SHISA3: variants seen among roughly 807,000 people sequenced by gnomAD.
The protein encoded by SHISA3 is protein shisa-3 homolog.
A neutral mutation model predicts 19.2 loss-of-function variants in SHISA3; 15 were observed. The observed-to-expected ratio is 0.78, with a 90% CI of 0.52 to 1.20. SHISA3 has a LOEUF of 1.20. SHISA3 is among the 50% of genes most tolerant of loss of function. The probability of loss-of-function intolerance (pLI) is 0.00; values close to 1 mark genes in which losing one functional copy is unlikely to be tolerated. For missense variants in SHISA3, 327 were observed against 315.7 expected (o/e 1.04, Z -0.27); for synonymous variants, 145 against 135.2 (o/e 1.07, Z -0.50).
chr4:42,398,341 C>T lies in SHISA3; in HGVS notation c.277+8C>T, dbSNP rs780772335. The T allele has an allele frequency of 1.3e-6, 2 of 1,530,276 alleles. No individual in the cohort carries two copies. The highest frequency in any genetic ancestry group is 8.8e-7 in the Non-Finnish European group (1 of 1,140,704). The allele number at this position is 1,530,276 out of a possible 1,614,324, so 94.8% of individuals were successfully genotyped here. A position where few individuals can be genotyped will look rare whatever the true frequency, so the allele number is the denominator to read the frequency against. The stretch of plus-strand genomic sequence containing the variant: ...ACCCAGGCATCACTGCGCGTAAGTG[C>T]GGGGCCCTCGGGGACATATCCCCGC... On this transcript the variant is annotated splice_region_variant and intron_variant, in intron 1 of 1. Transcript: ENST00000319234.
chr4:42,401,094 T>C lies in SHISA3; in HGVS notation c.360T>C (p.Cys120=), dbSNP rs201691660. ...TGGGCTCTGTAGTGGCTATTTATTG[T>C]TGCACCTGTTTGAGACCCAAGGAGC... ...IILGSVVAIY[C]CTCLRPKEPS... Residue 120 remains cysteine (C), a synonymous_variant, in exon 2 of 2, where the codon TGT becomes TGC. Transcript: ENST00000319234. 13 of 1,614,204 alleles carry C rather than the reference T, an allele frequency of 8.1e-6. No homozygotes were observed. The Admixed American group carries it at 1.3e-4, about 17-fold the overall frequency.
rs145001838 is a variant in SHISA3 at position 42,401,316 on chromosome 4, G to A, written c.582G>A (p.Pro194=). ...GCTGCCTGGTGCCCTCACCGCCCCCGCCATACACCACCAGCCACTCAATCC... is the reference window on the plus strand; with the variant it reads ...GCTGCCTGGTGCCCTCACCGCCCCCACCATACACCACCAGCCACTCAATCC... The part of the protein sequence containing the change: ...EPGCLVPSPP[P]PYTTSHSIHL... The change falls in exon 2 of 2, where the codon CCG becomes CCA. Residue 194 remains proline (P), a synonymous_variant. Transcript: ENST00000319234. The A allele has an allele frequency of 6.8e-6, 11 of 1,613,896 alleles. No homozygotes were observed. Among genetic ancestry groups the A allele is most frequent in the African/African-American group, 2.7e-5 (2 of 74,894 alleles).
chr4:42,398,915 G>A (rs1486061955), intron 1 of SHISA3, among the ~76,000 whole-genome samples: 2 of 151,926 alleles, frequency 1.3e-5, no homozygotes, highest in Admixed American at 6.6e-5. Flanking sequence ...TACCCTCTCC[G>A]GCCCACCCCC....
chr4:42,398,703 C>T (rs1460274820), intron 1 of SHISA3, among the ~76,000 whole-genome samples: 1 of 152,096 alleles, frequency 6.6e-6, no homozygotes, highest in Non-Finnish European at 1.5e-5. Context: ...GTGGAGGGGC[C>T]GAGGGTGTCC....
rs545916512 is a variant in SHISA3, at chr4:42,402,440, C to T, written c.*989C>T. 6.6e-6 allele frequency: 1 copy of T among 152,028 alleles called. No individual in the cohort carries two copies. The highest frequency in any genetic ancestry group is 2.1e-4 in the South Asian group (1 of 4,818). The allele number at this position is 152,028 out of a possible 1,614,324, so 9.4% of individuals were successfully genotyped here. The stretch of plus-strand genomic sequence containing the variant: ...GATGACTATATATTTGGGCATATAT[C>T]TTGTTGGATTAGAATAAATAAAACA... On this transcript the variant is annotated 3_prime_UTR_variant, in exon 2 of 2. Transcript: ENST00000319234.
Position 42,397,791 on chromosome 4 carries a change from A to G in SHISA3, c.-266A>G. 1 of 423,148 alleles carries G rather than the reference A, an allele frequency of 2.4e-6. No homozygotes were observed. Among genetic ancestry groups the G allele is most frequent in the Non-Finnish European group, 4.2e-6 (1 of 240,212 alleles). 26.2% of individuals were successfully genotyped at this position (423,148 alleles called of 1,614,324 possible). ...GGCGAAGGGCGGCAGCGACAGCCCC[A>G]GCAACTGCCTCTGCCGGCGCCTCCC... On this transcript the variant is annotated 5_prime_UTR_variant, in exon 1 of 2. Coordinates refer to ENST00000319234, the MANE Select transcript of SHISA3 (RefSeq NM_001080505.3).
intron 1 of SHISA3, among the ~76,000 whole-genome samples, chr4:42,398,806 G>C (rs759977805): frequency 9.4e-5 from 14 of 149,508 alleles, no homozygotes; most frequent in Non-Finnish European, 1.9e-4. Flanking sequence ...GCCCTTCAGG[G>C]CTAAGAAACC....
In SHISA3 at chr4:42,401,542, C is replaced by G; in HGVS notation, c.*91C>G. On this transcript the variant is annotated 3_prime_UTR_variant, in exon 2 of 2. Coordinates refer to ENST00000319234, the MANE Select transcript of SHISA3 (RefSeq NM_001080505.3). ...CACATGCAATTCTGAGAAAATTTCC[C>G]TTGTAACTGATCAGTGTCATGGAGG... The G allele has an allele frequency of 7.2e-7, 1 of 1,383,864 alleles. No individual in the cohort carries two copies. The highest frequency in any genetic ancestry group is 9.8e-7 in the Non-Finnish European group (1 of 1,017,168). The allele number at this position is 1,383,864 out of a possible 1,614,324, so 85.7% of individuals were successfully genotyped here.
chr4:42,401,543 T>G lies in SHISA3; in HGVS notation c.*92T>G, dbSNP rs532087412. The stretch of plus-strand genomic sequence containing the variant: ...ACATGCAATTCTGAGAAAATTTCCC[T>G]TGTAACTGATCAGTGTCATGGAGGA... On this transcript the variant is annotated 3_prime_UTR_variant, in exon 2 of 2. Coordinates refer to ENST00000319234, the MANE Select transcript of SHISA3 (RefSeq NM_001080505.3). 1 of 1,374,538 alleles carries G rather than the reference T, an allele frequency of 7.3e-7. No individual in the cohort carries two copies. The highest frequency in any genetic ancestry group is 1.5e-5 in the African/African-American group (1 of 68,558). 85.1% of individuals were successfully genotyped at this position (1,374,538 alleles called of 1,614,324 possible). A position where few individuals can be genotyped will look rare whatever the true frequency, so the allele number is the denominator to read the frequency against.
chr4:42,398,255 G>A lies in SHISA3; in HGVS notation c.199G>A (p.Ala67Thr). 6.4e-7 allele frequency: 1 copy of A among 1,572,000 alleles called. No individual in the cohort carries two copies. The highest frequency in any genetic ancestry group is 8.6e-7 in the Non-Finnish European group (1 of 1,159,214). Residue 67 changes from alanine (A) to threonine (T), a missense_variant, in exon 1 of 2, where the codon GCC (alanine) becomes ACC (threonine). Physicochemically the swap from Ala to Thr is moderately conservative, Grantham distance 58. Coordinates refer to ENST00000319234, the MANE Select transcript of SHISA3 (RefSeq NM_001080505.3). ...CTCCTGCGCGCTCCGCTACTGTTGC[G>A]CCGCGGCCGACGCCAGGCTGGAGCA... ...CGSCALRYCC[A>T]AADARLEQGG...
chr4:42,398,375 C>G, intron 1 of SHISA3, 42 bp downstream of exon 1: 2 of 1,472,300 alleles, frequency 1.4e-6, no homozygotes, highest in Non-Finnish European at 1.8e-6. Context: ...GCCCGCCTAA[C>G]GGCGGCGGCT....
Position 42,397,892 on chromosome 4 carries a change from C to G in SHISA3, c.-165C>G. 1.6e-6 allele frequency: 1 copy of G among 606,346 alleles called. No homozygotes were observed. Among genetic ancestry groups the G allele is most frequent in the South Asian group, 2.3e-5 (1 of 43,470 alleles). 37.6% of individuals were successfully genotyped at this position (606,346 alleles called of 1,614,324 possible). On this transcript the variant is annotated 5_prime_UTR_variant, in exon 1 of 2. Coordinates refer to ENST00000319234, the MANE Select transcript of SHISA3 (RefSeq NM_001080505.3). ...GAACTCGTAGTGCAGCCCCTGTCGC[C>G]TCCCCGGCCCCTGCTATCCCACGCA...
chr4:42,401,068 C>T lies in SHISA3; in HGVS notation c.334C>T (p.Leu112=). ...VGSIFIAFII[L]GSVVAIYCCT... Reference sequence around the variant, plus strand: ...CTCCATCTTCATTGCGTTCATCATCCTGGGCTCTGTAGTGGCTATTTATTG... The same window carrying T: ...CTCCATCTTCATTGCGTTCATCATCTTGGGCTCTGTAGTGGCTATTTATTG... Residue 112 remains leucine (L), a synonymous_variant, in exon 2 of 2, where the codon CTG becomes TTG. Coordinates refer to ENST00000319234, the MANE Select transcript of SHISA3 (RefSeq NM_001080505.3). 1 of 1,614,204 alleles carries T rather than the reference C, an allele frequency of 6.2e-7. No homozygotes were observed. Among genetic ancestry groups the T allele is most frequent in the Non-Finnish European group, 8.5e-7 (1 of 1,180,046 alleles).
Position 42,401,493 on chromosome 4 carries a change from C to G in SHISA3, c.*42C>G. On this transcript the variant is annotated 3_prime_UTR_variant, in exon 2 of 2. Coordinates refer to ENST00000319234, the MANE Select transcript of SHISA3 (RefSeq NM_001080505.3). ...ATCCACAACTCAGTCAGATGGCAGA[C>G]AGGTGGAGCCCTGCTCCCATTGCCA... is the stretch of plus-strand genomic sequence containing the variant. 2 of 1,528,094 alleles carry G rather than the reference C, an allele frequency of 1.3e-6. No homozygotes were observed. Among genetic ancestry groups the G allele is most frequent in the Non-Finnish European group, 1.8e-6 (2 of 1,138,068 alleles). The allele number at this position is 1,528,094 out of a possible 1,614,324, so 94.7% of individuals were successfully genotyped here. A position where few individuals can be genotyped will look rare whatever the true frequency, so the allele number is the denominator to read the frequency against.
At position 42,397,883 on chromosome 4, in the gene SHISA3, C is replaced by T. The variant is rs1711783591; in HGVS notation, c.-174C>T. On this transcript the variant is annotated 5_prime_UTR_variant, in exon 1 of 2. Coordinates refer to ENST00000319234, the MANE Select transcript of SHISA3 (RefSeq NM_001080505.3). ...CGGCCTGCGGAACTCGTAGTGCAGC[C>T]CCTGTCGCCTCCCCGGCCCCTGCTA... 1.7e-6 allele frequency: 1 copy of T among 580,734 alleles called. No individual in the cohort carries two copies. The highest frequency in any genetic ancestry group is 2.0e-5 in the African/African-American group (1 of 50,114). 36.0% of individuals were successfully genotyped at this position (580,734 alleles called of 1,614,324 possible).
chr4:42,400,782 G>A (rs1477051395), intron 1 of SHISA3, among the ~76,000 whole-genome samples: 2 of 151,966 alleles, frequency 1.3e-5, no homozygotes, highest in Admixed American at 1.3e-4. Context: ...ATTGCTAACA[G>A]AGGCTACGGT....
chr4:42,401,123 C>T lies in SHISA3; in HGVS notation c.389C>T (p.Ser130Leu), dbSNP rs140353032. ...CCTCLRPKEP[S>L]QQPIRFSLRS... ...ACCTGTTTGAGACCCAAGGAGCCCT[C>T]GCAGCAGCCAATCCGCTTCTCACTC... Residue 130 changes from serine to leucine, a missense_variant, in exon 2 of 2, where the codon TCG becomes TTG. Transcript: ENST00000319234. 4.1e-5 allele frequency: 66 copies of T among 1,614,092 alleles called. No homozygotes were observed. Among genetic ancestry groups the T allele is most frequent in the African/African-American group, 2.9e-4 (22 of 74,918 alleles).
intron 1 of SHISA3, among the ~76,000 whole-genome samples, chr4:42,398,736 G>A (rs777218351): frequency 1.4e-4 from 22 of 152,188 alleles, no homozygotes; most frequent in Non-Finnish European, 2.9e-4. Context: ...TTGTCACTTC[G>A]GGAGCTTCGG....
rs1324585590 is a variant in SHISA3 at position 42,398,084 on chromosome 4, C to T, written c.28C>T (p.Leu10Phe). Residue 10 changes from leucine (L) to phenylalanine (F), a missense_variant, in exon 1 of 2, where the codon CTC (leucine) becomes TTC (phenylalanine). Leu to Phe is a conservative substitution (Grantham distance 22). Transcript: ENST00000319234. ...GAGGGCACTGCTGGCGCTTTGCCTTCTCCTTGGCTGGCTGCGCTGGGGCCC... is the reference window on the plus strand; with the variant it reads ...GAGGGCACTGCTGGCGCTTTGCCTTTTCCTTGGCTGGCTGCGCTGGGGCCC... MRALLALCL[L>F]LGWLRWGPAG... 1.9e-6 allele frequency: 3 copies of T among 1,602,106 alleles called. No homozygotes were observed. The highest frequency in any genetic ancestry group is 2.3e-5 in the East Asian group (1 of 44,376).
Sources: allele counts gnomAD v4.1 joint callset (sites outside exome capture counted in the v4.1 genomes callset), GRCh38; gene constraint gnomAD v4.1.1; transcripts MANE v1.5; gene names NCBI Gene and HGNC (gene_info 2026-07-23, HGNC 2026-07-21).